VSX2: variants seen among roughly 807,000 people sequenced by gnomAD.
VSX2 encodes visual system homeobox 2.
A neutral mutation model predicts 32.1 loss-of-function variants in VSX2; 28 were observed. The observed-to-expected ratio is 0.87, with a 90% confidence interval of 0.65 to 1.20. The LOEUF (loss-of-function observed/expected upper bound fraction) is 1.20. Ranked by LOEUF, VSX2 falls within the 50% of genes most tolerant of loss-of-function variation. The pLI is 0.00. For synonymous variants in VSX2, 243 were observed against 214.1 expected (o/e 1.14, Z -1.18); for missense variants, 506 against 488.7 (o/e 1.04, Z -0.33).
intron 2 of VSX2, among the ~76,000 whole-genome samples, chr14:74,242,175 C>T (rs2079154658): frequency 6.6e-6 from 1 of 151,710 alleles, no homozygotes; most frequent in East Asian, 1.9e-4. Context: ...TGCCTTTCTG[C>T]GGGTGCTGCT....
chr14:74,256,483 A>C (rs534309610), intron 3 of VSX2, among the ~76,000 whole-genome samples: 1 of 151,930 alleles, frequency 6.6e-6, no homozygotes, highest in Non-Finnish European at 1.5e-5. Context: ...TTTTGCACCA[A>C]CCTAATATAA....
At position 74,260,519 on chromosome 14, in the gene VSX2, T is replaced by C; in HGVS notation, c.761-75T>C. On this transcript the variant is annotated intron_variant, in intron 4 of 4. Coordinates refer to ENST00000261980, the MANE Select transcript of VSX2 (RefSeq NM_182894.3). Reference sequence around the variant, plus strand: ...CTCGTCCTTAATTCTGGCCTCTCTCTATCTTTGCCGTTTTCAGTTCAAGAT... The same window carrying C: ...CTCGTCCTTAATTCTGGCCTCTCTCCATCTTTGCCGTTTTCAGTTCAAGAT... 1.4e-6 allele frequency: 2 copies of C among 1,430,298 alleles called. 1 individual carries two copies. Among genetic ancestry groups the C allele is most frequent in the Non-Finnish European group, 1.9e-6 (2 of 1,036,876 alleles). 88.6% of individuals were successfully genotyped at this position (1,430,298 alleles called of 1,614,324 possible).
Position 74,261,303 on chromosome 14 carries a change from T to C in VSX2, c.*384T>C, listed in dbSNP as rs1036224969. ...CTGCTCTGCCCATGCCTAAAGCCCA[T>C]TGCTGCAAATGCATTGTGAATTGCC... On this transcript the variant is annotated 3_prime_UTR_variant, in exon 5 of 5. Transcript: ENST00000261980. 1 of 216,642 alleles carries C rather than the reference T, an allele frequency of 4.6e-6. No homozygotes were observed. Among genetic ancestry groups the C allele is most frequent in the African/African-American group, 2.2e-5 (1 of 44,546 alleles). The allele number at this position is 216,642 out of a possible 1,614,324, so 13.4% of individuals were successfully genotyped here.
chr14:74,245,272 C>T lies in VSX2; in HGVS notation c.563C>T (p.Pro188Leu), dbSNP rs750768011. Residue 188 changes from proline to leucine, a missense_variant, in exon 3 of 5, where the codon CCG becomes CTG. Coordinates refer to ENST00000261980, the MANE Select transcript of VSX2 (RefSeq NM_182894.3). Reference protein sequence around the residue: ...REMLAMKTELPEDRIQVWFQN... With the variant: ...REMLAMKTELLEDRIQVWFQN... Reference sequence around the variant, plus strand: ...ATGCTGGCCATGAAAACGGAGCTGCCGGAAGACAGGATACAGGTAACAGCC... The same window carrying T: ...ATGCTGGCCATGAAAACGGAGCTGCTGGAAGACAGGATACAGGTAACAGCC... The T allele has an allele frequency of 1.2e-5, 20 of 1,613,184 alleles. No individual in the cohort carries two copies. Among genetic ancestry groups the T allele is most frequent in the East Asian group, 6.7e-5 (3 of 44,822 alleles).
At chr14:74,240,083 G>A (rs1368027002) in intron 1 of VSX2, 152 bp downstream of exon 1, 1 of 1,050,670 alleles carries the variant, frequency 9.5e-7, no homozygotes, top group Admixed American at 2.8e-5. Context: ...GACGCGCCTG[G>A]TGATGGGGCC....
Position 74,261,093 on chromosome 14 carries a change from AC to A in VSX2, c.*176del. On this transcript the variant is annotated 3_prime_UTR_variant, in exon 5 of 5. Coordinates refer to ENST00000261980, the MANE Select transcript of VSX2 (RefSeq NM_182894.3). ...AGGCACCGCTGGGTTCTGACTCTGG[AC>A]CATGCTGAGACATCCCTCATCTAGT... is the stretch of plus-strand genomic sequence containing the variant. 2.8e-6 allele frequency: 2 copies of A among 714,486 alleles called. No homozygotes were observed. The highest frequency in any genetic ancestry group is 4.6e-6 in the Non-Finnish European group (2 of 434,580). The allele number at this position is 714,486 out of a possible 1,614,324, so 44.3% of individuals were successfully genotyped here.
rs147961835 is a variant in VSX2 at position 74,259,523 on chromosome 14, C to T, written c.580-79C>T. 2.9e-4 allele frequency: 452 copies of T among 1,583,174 alleles called. 3 individuals are homozygous for T. The African/African-American group carries it at 5.5e-3, about 19-fold the overall frequency. ...GGACGCCCTGCTGGAGAAATCTTCA[C>T]TCCAAGCCTACAAGGGGTAAGGGCC... On this transcript the variant is annotated intron_variant, in intron 3 of 4. Coordinates refer to ENST00000261980, the MANE Select transcript of VSX2 (RefSeq NM_182894.3).
intron 3 of VSX2, among the ~76,000 whole-genome samples, chr14:74,246,415 T>A (rs1040945291): frequency 2.0e-5 from 3 of 152,224 alleles, no homozygotes; most frequent in Admixed American, 1.3e-4. Context: ...AATGAGGCTG[T>A]GAGGCCTTCC....
At chr14:74,244,578 A>T (rs994977549) in intron 2 of VSX2, among the ~76,000 whole-genome samples, 3 of 152,134 alleles carry the variant, frequency 2.0e-5, no homozygotes, top group African/African-American at 7.2e-5. Context: ...GCATTCAAAA[A>T]TTCAGCTCTA....
chr14:74,247,456 G>A lies in VSX2; in HGVS notation c.579+2168G>A, dbSNP rs144506853. On this transcript the variant is annotated intron_variant, in intron 3 of 4. Transcript: ENST00000261980. ...TGTGTGGAGGTAATGAGCCATATGT[G>A]TGCAGCATTCAGGGCAGTGCCTGGC... 7.4e-3 allele frequency among the ~76,000 whole-genome samples: 1,130 copies of A among 152,302 alleles called. 5 individuals carry two copies. Among genetic ancestry groups the A allele is most frequent in the Middle Eastern group, 0.031 (9 of 294 alleles).
chr14:74,239,566 C>T lies in VSX2; in HGVS notation c.5C>T (p.Thr2Met), dbSNP rs1566882572. ...GCCCCTCCAAAGAACAGGGAGATGA[C>T]GGGGAAAGCAGGGGAAGCGCTGAGC... is the stretch of plus-strand genomic sequence containing the variant. M[T>M]GKAGEALSKP... is the part of the protein sequence containing the mutation. Residue 2 changes from threonine to methionine, a missense_variant, in exon 1 of 5, where the codon ACG becomes ATG. By Grantham distance (81) the Thr-to-Met change is moderately conservative. Transcript: ENST00000261980. 3.9e-6 allele frequency: 6 copies of T among 1,551,024 alleles called. No individual in the cohort carries two copies. The highest frequency in any genetic ancestry group is 4.9e-5 in the East Asian group (2 of 40,926).
At chr14:74,245,062 T>G in intron 2 of VSX2, 103 bp from the exon 3 acceptor site, 1 of 1,491,900 alleles carries the variant, frequency 6.7e-7, no homozygotes, top group Non-Finnish European at 9.1e-7. Context: ...CCAGCCTGGG[T>G]TCGGGGCCTG....
chr14:74,257,401 C>T (rs1040730965), intron 3 of VSX2, among the ~76,000 whole-genome samples: 2 of 152,254 alleles, frequency 1.3e-5, no homozygotes, highest in Non-Finnish European at 2.9e-5. Context: ...CCGGAGGCAG[C>T]AAAAGTGCTG....
intron 3 of VSX2, among the ~76,000 whole-genome samples, chr14:74,253,756 C>T (rs866640058): frequency 6.6e-6 from 1 of 151,924 alleles, no homozygotes; most frequent in African/African-American, 2.4e-5. Flanking sequence ...CATGGTGAAA[C>T]CCTGTCTCTA....
chr14:74,239,619 AGTACCTCGGGGG>A lies in VSX2; in HGVS notation c.60_71del (p.Thr21_Gly24del). The A allele has an allele frequency of 9.0e-6, 14 of 1,551,278 alleles. No individual in the cohort carries two copies. The highest frequency in any genetic ancestry group is 1.0e-5 in the Non-Finnish European group (12 of 1,146,986). On this transcript the variant is annotated inframe_deletion, in exon 1 of 5. Coordinates refer to ENST00000261980, the MANE Select transcript of VSX2 (RefSeq NM_182894.3). ...GCCCAAATCCGAGACAGTGGCCAAG[AGTACCTCGGGGG>A]GCGCCCCGGCCAGGTGCACTGGGTT...
chr14:74,248,617 A>G (rs2079210046), intron 3 of VSX2, among the ~76,000 whole-genome samples: 1 of 151,960 alleles, frequency 6.6e-6, no homozygotes, highest in Non-Finnish European at 1.5e-5. Context: ...CTTGAGCCCA[A>G]GAGGTAGAGG....
intron 1 of VSX2, among the ~76,000 whole-genome samples, chr14:74,240,599 G>T (rs951870075): frequency 1.3e-5 from 2 of 152,126 alleles, no homozygotes; most frequent in African/African-American, 2.4e-5. Context: ...TCGAACCTCC[G>T]ATTCCTGTTT....
chr14:74,246,381 T>A (rs2079191968), intron 3 of VSX2, among the ~76,000 whole-genome samples: 1 of 152,214 alleles, frequency 6.6e-6, no homozygotes, highest in African/African-American at 2.4e-5. Flanking sequence ...CTGTACTCTC[T>A]CACTGGAGGA....
chr14:74,239,823 T>C lies in VSX2; in HGVS notation c.262T>C (p.Tyr88His). The C allele has an allele frequency of 1.3e-6, 2 of 1,575,058 alleles. No homozygotes were observed. The highest frequency in any genetic ancestry group is 8.6e-7 in the Non-Finnish European group (1 of 1,161,794). ...GGGGCCCGGGGGGCTCCCTGGCTTC[T>C]ACACGCAGCCCACCTTCCTGGAAGT... Reference protein sequence around the residue: ...LLGPGGLPGFYTQPTFLEVLS... With the variant: ...LLGPGGLPGFHTQPTFLEVLS... Residue 88 changes from tyrosine to histidine, a missense_variant, in exon 1 of 5, where the codon TAC becomes CAC. Tyr to His is a moderately conservative substitution (Grantham distance 83). Coordinates refer to ENST00000261980, the MANE Select transcript of VSX2 (RefSeq NM_182894.3).
Sources: allele counts gnomAD v4.1 joint callset (sites outside exome capture counted in the v4.1 genomes callset), GRCh38; gene constraint gnomAD v4.1.1; transcripts MANE v1.5; gene names NCBI Gene and HGNC (gene_info 2026-07-23, HGNC 2026-07-21).